POLA2: variants seen among roughly 807,000 people sequenced by gnomAD.
POLA2 encodes DNA polymerase alpha 2, accessory subunit, also known as DNA polymerase alpha subunit B.
Under a neutral mutation model 82.8 loss-of-function variants are expected in POLA2, and 47 were observed. That is an observed-to-expected ratio of 0.57 (90% CI 0.45 to 0.72). POLA2 has a LOEUF of 0.72. POLA2 is among the 30% of genes least tolerant of loss of function. POLA2 has a pLI of 0.00. For missense variants in POLA2, 634 were observed against 728.1 expected, an observed-to-expected ratio of 0.87 and a Z score of 1.49; for synonymous variants, 287 against 286.8, an observed-to-expected ratio of 1.00 and a Z score of -0.01.
At chr11:65,301,333 T>C (rs986681133), downstream of POLA2, among the ~76,000 whole-genome samples, 1 of 152,142 alleles carries the variant, frequency 6.6e-6, no homozygotes, top group South Asian at 2.1e-4. Flanking sequence ...TCCCACCCCC[T>C]GTGCCTCACC....
rs528321195 is a variant in POLA2, at chr11:65,294,903, C to T, written c.1460+251C>T. On this transcript the variant is annotated intron_variant, in intron 15 of 17. Transcript: ENST00000265465. Reference sequence around the variant, plus strand: ...AAGAACCACGTCCATTCTGTCTTTGCACTTAAAGGCATCAAAATTCATCTA... The same window carrying T: ...AAGAACCACGTCCATTCTGTCTTTGTACTTAAAGGCATCAAAATTCATCTA... 7.3e-5 allele frequency: 26 copies of T among 358,232 alleles called. 1 individual carries two copies. The highest frequency in any genetic ancestry group is 4.7e-4 in the Admixed American group (11 of 23,424). 22.2% of individuals were successfully genotyped at this position (358,232 alleles called of 1,614,324 possible). A position where few individuals can be genotyped will look rare whatever the true frequency, so the allele number is the denominator to read the frequency against.
chr11:65,295,695 A>C, intron 16 of POLA2, 96 bp downstream of exon 16: 2 of 1,334,688 alleles, frequency 1.5e-6, no homozygotes, highest in Non-Finnish European at 2.1e-6. Context: ...CCAGGCTACC[A>C]GCAGGGAACT....
intron 7 of POLA2, 151 bp from the exon 8 acceptor site, chr11:65,280,841 G>A: frequency 7.5e-6 from 5 of 669,548 alleles, no homozygotes; most frequent in Non-Finnish European, 1.3e-5. Context: ...AGTCAGTGAT[G>A]ACGCGGTAGT....
chr11:65,266,391 T>C, intron 1 of POLA2, 191 bp from the exon 2 acceptor site: 1 of 579,250 alleles, frequency 1.7e-6, no homozygotes, highest in Non-Finnish European at 3.1e-6. Context: ...CCTTATCCTC[T>C]TTTGTCTCCC....
intron 13 of POLA2, among the ~76,000 whole-genome samples, chr11:65,291,238 C>G (rs192582650): frequency 1.3e-5 from 2 of 152,310 alleles, no homozygotes; most frequent in African/African-American, 4.8e-5. Context: ...CATTTAAAAA[C>G]GAGTCTGTCA....
intron 7 of POLA2, chr11:65,279,983 G>A (rs2137539690): frequency 4.8e-6 from 1 of 206,932 alleles, no homozygotes; most frequent in South Asian, 1.1e-4. Flanking sequence ...TCAGAATCTT[G>A]TTCTCTGGAC....
At chr11:65,265,946 A>G (rs894036758) in intron 1 of POLA2, among the ~76,000 whole-genome samples, 1 of 152,068 alleles carries the variant, frequency 6.6e-6, no homozygotes, top group African/African-American at 2.4e-5. Flanking sequence ...TTTATATCCC[A>G]TGTATTTACT....
intron 5 of POLA2, among the ~76,000 whole-genome samples, chr11:65,276,465 G>A (rs1949580861): frequency 6.6e-6 from 1 of 151,938 alleles, no homozygotes; most frequent in Non-Finnish European, 1.5e-5. Flanking sequence ...TTCCAAGTCA[G>A]GTTAGAACTA....
intron 1 of POLA2, among the ~76,000 whole-genome samples, chr11:65,264,459 C>T (rs1949436460): frequency 6.6e-6 from 1 of 152,194 alleles, no homozygotes; most frequent in Admixed American, 6.5e-5. Context: ...CCCACCCTGG[C>T]CTCCCAAAGT....
At chr11:65,296,306 T>C (rs1949810283) in intron 17 of POLA2, 3 of 252,218 alleles carry the variant, frequency 1.2e-5, no homozygotes, top group Non-Finnish European at 2.4e-5. Flanking sequence ...ATATGTACAC[T>C]TGCCTGTCCT....
At chr11:65,264,488 C>T (rs1949436959) in intron 1 of POLA2, among the ~76,000 whole-genome samples, 1 of 152,198 alleles carries the variant, frequency 6.6e-6, no homozygotes, top group Non-Finnish European at 1.5e-5. Flanking sequence ...TACACTGCGC[C>T]AGGCCCCTGG....
intron 13 of POLA2, among the ~76,000 whole-genome samples, chr11:65,292,202 C>T (rs563153175): frequency 7.0e-4 from 106 of 152,270 alleles, no homozygotes; most frequent in African/African-American, 2.5e-3. Context: ...CACCACTGCA[C>T]TCCAGCCTGG....
chr11:65,281,087 G>A lies in POLA2; in HGVS notation c.840G>A (p.Ser280=), dbSNP rs372693281. The A allele has an allele frequency of 1.9e-5, 31 of 1,613,992 alleles. No homozygotes were observed. Among genetic ancestry groups the A allele is most frequent in the Middle Eastern group, 3.3e-4 (2 of 6,068 alleles). ...TCGAGGGAGACCGGGAACATTCCTC[G>A]GGTGCTCAAATTCCAGTGGATTTAT... ...VILEGDREHS[S]GAQIPVDLSE... Residue 280 remains serine (S), a synonymous_variant, in exon 8 of 18, where the codon TCG becomes TCA. Coordinates refer to ENST00000265465, the MANE Select transcript of POLA2 (RefSeq NM_002689.4).
Position 65,278,942 on chromosome 11 carries a change from G to T in POLA2, c.655+19G>T. On this transcript the variant is annotated intron_variant, in intron 6 of 17. Coordinates refer to ENST00000265465, the MANE Select transcript of POLA2 (RefSeq NM_002689.4). ...CGAGAAGGTGATTGTTTTTCCCTTT[G>T]AAATTCTGGTGGATATAAAACCACC... is the stretch of plus-strand genomic sequence containing the variant. 6.2e-7 allele frequency: 1 copy of T among 1,609,176 alleles called. No individual in the cohort carries two copies.
At position 65,295,569 on chromosome 11, in the gene POLA2, G is replaced by A. The variant is rs200848446; in HGVS notation, c.1490G>A (p.Arg497Gln). The change falls in exon 16 of 18, where the codon CGA becomes CAA. Residue 497 changes from arginine (R) to glutamine (Q), a missense_variant. Coordinates refer to ENST00000265465, the MANE Select transcript of POLA2 (RefSeq NM_002689.4). ...TCCGGAACTTCAGACAGATTCAGCC[G>A]AATACTCAAGCACATCTTGACCCAG... ...SSSGTSDRFS[R>Q]ILKHILTQRS... The A allele has an allele frequency of 2.2e-5, 36 of 1,613,870 alleles. No individual in the cohort carries two copies. The African/African-American group carries it at 3.6e-4, about 16-fold the overall frequency.
intron 17 of POLA2, among the ~76,000 whole-genome samples, chr11:65,296,814 G>A (rs973215635): frequency 6.6e-6 from 1 of 151,996 alleles, no homozygotes; most frequent in African/African-American, 2.4e-5. Context: ...AGGCATGGTG[G>A]TGTGGGTGCC....
At position 65,290,275 on chromosome 11, in the gene POLA2, C is replaced by T. The variant is rs555795905; in HGVS notation, c.1244+403C>T. On this transcript the variant is annotated intron_variant, in intron 13 of 17. Coordinates refer to ENST00000265465, the MANE Select transcript of POLA2 (RefSeq NM_002689.4). Reference sequence around the variant, plus strand: ...AAAAAAAAAAAAAAAAAAAGCTGGGCGTGGTGGCTCACGCACTTTGGGAGG... The same window carrying T: ...AAAAAAAAAAAAAAAAAAAGCTGGGTGTGGTGGCTCACGCACTTTGGGAGG... Among the ~76,000 whole-genome samples, 4 of 140,724 alleles carry T rather than the reference C, an allele frequency of 2.8e-5. No homozygotes were observed. The East Asian group carries it at 8.4e-4, about 30-fold the overall frequency. The allele number at this position is 140,724 out of a possible 152,430, so 92.3% of individuals were successfully genotyped here.
At position 65,289,806 on chromosome 11, in the gene POLA2, T is replaced by G; in HGVS notation, c.1178T>G (p.Leu393Arg). Reference sequence around the variant, plus strand: ...TCCTTTCCTTTCTTGCAGAATTGTCTACTGACAAGTCCATTTGAAGACATT... The same window carrying G: ...TCCTTTCCTTTCTTGCAGAATTGTCGACTGACAAGTCCATTTGAAGACATT... ...DAKHEQVENC[L>R]LTSPFEDIFK... The change falls in exon 13 of 18, where the codon CTA becomes CGA. Residue 393 changes from leucine to arginine, a missense_variant. Leu to Arg is a moderately radical substitution (Grantham distance 102). Coordinates refer to ENST00000265465, the MANE Select transcript of POLA2 (RefSeq NM_002689.4). The G allele has an allele frequency of 6.2e-7, 1 of 1,604,698 alleles. No individual in the cohort carries two copies.
At chr11:65,303,327 G>A (rs988537549), downstream of POLA2, among the ~76,000 whole-genome samples, 3 of 145,576 alleles carry the variant, frequency 2.1e-5, no homozygotes, top group African/African-American at 5.1e-5. Flanking sequence ...GGGCAACGGA[G>A]TGAGACTCTG....
Sources: allele counts gnomAD v4.1 joint callset (sites outside exome capture counted in the v4.1 genomes callset), GRCh38; gene constraint gnomAD v4.1.1; transcripts MANE v1.5; gene names NCBI Gene and HGNC (gene_info 2026-07-23, HGNC 2026-07-21).